Variants in PRKD3 observed in about 807,000 individuals in gnomAD.
PRKD3 encodes the protein serine/threonine-protein kinase D3.
Under a neutral mutation model 99.2 loss-of-function variants are expected in PRKD3, and 47 were observed. That is an observed-to-expected ratio of 0.47 (90% CI 0.38 to 0.60). The LOEUF is 0.60. Among genes scored for constraint, PRKD3 ranks in the 20% least tolerant of loss-of-function variants. PRKD3 has a pLI of 0.00. For synonymous variants in PRKD3, 392 were observed against 355.4 expected, an observed-to-expected ratio of 1.10 and a Z score of -1.16; for missense variants, 1,019 against 1,088.4, an observed-to-expected ratio of 0.94 and a Z score of 0.90.
At chr2:37,261,229 G>GT (rs1668413663) in intron 14 of PRKD3, among the ~76,000 whole-genome samples, 2 of 152,216 alleles carry the variant, frequency 1.3e-5, no homozygotes, top group African/African-American at 4.8e-5. Flanking sequence ...GCTCACGCCT[G>GT]TAATCCCAGC....
chr2:37,306,757 C>T (rs1572695531), intron 2 of PRKD3, among the ~76,000 whole-genome samples: 3 of 152,062 alleles, frequency 2.0e-5, no homozygotes, highest in Admixed American at 2.0e-4. Context: ...TGCAGTGAGC[C>T]GTGATCATGC....
chr2:37,286,229 C>A lies in PRKD3; in HGVS notation c.858G>T (p.Gln286His). 1 of 1,614,062 alleles carries A rather than the reference C, an allele frequency of 6.2e-7. No homozygotes were observed. The highest frequency in any genetic ancestry group is 1.7e-5 in the Admixed American group (1 of 60,012). Residue 286 changes from glutamine to histidine, a missense_variant, in exon 6 of 19, where the codon CAG becomes CAT. Coordinates refer to ENST00000234179, the MANE Select transcript of PRKD3 (RefSeq NM_005813.6). ...GGCCTTTCAGTAACCGCTTGCAGTA[C>A]TGACATATCGTGGGACGGGTGTAAG... Reference protein sequence around the residue: ...VHSYTRPTICQYCKRLLKGLF... With the variant: ...VHSYTRPTICHYCKRLLKGLF...
chr2:37,297,889 C>T (rs1327962522), intron 2 of PRKD3, among the ~76,000 whole-genome samples: 1 of 152,052 alleles, frequency 6.6e-6, no homozygotes, highest in East Asian at 1.9e-4. Context: ...AACTACTCTC[C>T]CCCCACCCTT....
chr2:37,258,599 T>TA (rs1251762401), intron 16 of PRKD3, among the ~76,000 whole-genome samples: 3 of 152,242 alleles, frequency 2.0e-5, no homozygotes, highest in Non-Finnish European at 4.4e-5. Context: ...TTTTGTCTAC[T>TA]ATTTTGAAGA....
chr2:37,269,744 T>C, intron 12 of PRKD3, 57 bp from the exon 13 acceptor site: 2 of 1,215,628 alleles, frequency 1.6e-6, no homozygotes, highest in Non-Finnish European at 2.4e-6. Flanking sequence ...AATGTCAACA[T>C]CTCTGACTTT....
rs755212475 is a variant in PRKD3, at chr2:37,286,379, A to C, written c.718-10T>G. 47 of 1,609,926 alleles carry C rather than the reference A, an allele frequency of 2.9e-5. No homozygotes were observed. The highest frequency in any genetic ancestry group is 3.7e-5 in the Non-Finnish European group (44 of 1,176,678). ...CCTGGTGGACATGTGACTATAACAT[A>C]AGTAATTTTCATAAGTGTAAGTCAA... On this transcript the variant is annotated splice_polypyrimidine_tract_variant and intron_variant, in intron 5 of 18. Coordinates refer to ENST00000234179, the MANE Select transcript of PRKD3 (RefSeq NM_005813.6).
intron 14 of PRKD3, among the ~76,000 whole-genome samples, chr2:37,261,489 A>G (rs1307976001): frequency 6.8e-6 from 1 of 146,632 alleles, no homozygotes; most frequent in African/African-American, 2.5e-5. Context: ...TTTGTCTCAA[A>G]TAAAAAAAAG....
intron 12 of PRKD3, among the ~76,000 whole-genome samples, chr2:37,270,351 G>GAA (rs11346799): frequency 0.038 from 5,312 of 140,728 alleles, 124 homozygotes; most frequent in Non-Finnish European, 0.052. Flanking sequence ...TTGATTTTTG[G>GAA]AAAAAAAAAA....
intron 1 of PRKD3, among the ~76,000 whole-genome samples, 170 bp from the exon 2 acceptor site, chr2:37,317,349 A>G (rs908091741): frequency 3.9e-5 from 6 of 152,190 alleles, no homozygotes; most frequent in African/African-American, 1.4e-4. Flanking sequence ...TTTTTTTACT[A>G]TAAGTATAAT....
At chr2:37,257,024 A>T in intron 16 of PRKD3, 95 bp from the exon 17 acceptor site, 1 of 1,310,004 alleles carries the variant, frequency 7.6e-7, no homozygotes, top group Non-Finnish European at 1.1e-6. Flanking sequence ...ATTTCAACAT[A>T]CTTGCCAGCT....
chr2:37,282,237 A>C (rs1669886743), intron 7 of PRKD3: 1 of 288,670 alleles, frequency 3.5e-6, no homozygotes, highest in Admixed American at 4.6e-5. Context: ...AGAACTATGA[A>C]AGAATAGAGA....
chr2:37,313,748 G>T (rs939219022), intron 2 of PRKD3, among the ~76,000 whole-genome samples: 2 of 152,188 alleles, frequency 1.3e-5, no homozygotes, highest in African/African-American at 4.8e-5. Flanking sequence ...TGACATACAA[G>T]TTTTCGACTT....
At chr2:37,313,196 T>C (rs1671513646) in intron 2 of PRKD3, among the ~76,000 whole-genome samples, 1 of 152,138 alleles carries the variant, frequency 6.6e-6, no homozygotes, top group Admixed American at 6.6e-5. Context: ...TCAACTCTGC[T>C]GCTGCAGAAC....
chr2:37,297,614 T>C (rs1432967066), intron 2 of PRKD3, among the ~76,000 whole-genome samples: 1 of 152,226 alleles, frequency 6.6e-6, no homozygotes, highest in Non-Finnish European at 1.5e-5. Flanking sequence ...AGGCCCCTTT[T>C]GGGCTGGGTT....
chr2:37,301,972 G>A (rs997885870), intron 2 of PRKD3, among the ~76,000 whole-genome samples: 3 of 152,174 alleles, frequency 2.0e-5, no homozygotes, highest in Non-Finnish European at 2.9e-5. Flanking sequence ...AACACAGAGG[G>A]CAGCCCCCAC....
At chr2:37,306,239 C>T (rs1671161033) in intron 2 of PRKD3, among the ~76,000 whole-genome samples, 1 of 152,122 alleles carries the variant, frequency 6.6e-6, no homozygotes, top group South Asian at 2.1e-4. Flanking sequence ...CAGCTGTGAT[C>T]TGATCAGGAA....
Position 37,279,870 on chromosome 2 carries a change from T to A in PRKD3, c.1048A>T (p.Asn350Tyr), listed in dbSNP as rs752571075. The change falls in exon 8 of 19, where the codon AAT becomes TAT. Residue 350 changes from asparagine to tyrosine, a missense_variant. This residue lies in a region of PRKD3 where 710 missense variants were observed against 692.7 expected (regional missense o/e 1.02). Transcript: ENST00000234179. ...IPMDIDNNDI[N>Y]SDSSRGLDDT... The stretch of plus-strand genomic sequence containing the variant: ...TCCAAACCCCGACTACTATCACTAT[T>A]TATGTCATTATTGTCAATATCCATT... The A allele has an allele frequency of 3.7e-6, 6 of 1,613,386 alleles. No individual in the cohort carries two copies. The South Asian group carries it at 6.6e-5, about 18-fold the overall frequency.
intron 2 of PRKD3, among the ~76,000 whole-genome samples, chr2:37,296,768 C>T (rs4670192): frequency 0.14 from 21,025 of 151,432 alleles, 1,620 homozygotes; most frequent in South Asian, 0.27. Context: ...GGCGTGGTGG[C>T]GGGCGCCTGT....
At chr2:37,266,170 C>G (rs989580137) in intron 14 of PRKD3, among the ~76,000 whole-genome samples, 17 of 152,104 alleles carry the variant, frequency 1.1e-4, no homozygotes, top group Non-Finnish European at 2.4e-4. Flanking sequence ...TATCATGCCT[C>G]TGAAAAAGTG....
Sources: allele counts gnomAD v4.1 joint callset (sites outside exome capture counted in the v4.1 genomes callset), GRCh38; gene constraint gnomAD v4.1.1; regional missense constraint gnomAD v4.1.1; transcripts MANE v1.5; gene names NCBI Gene and HGNC (gene_info 2026-07-23, HGNC 2026-07-21).